The following KCND3 variants were observed in gnomAD, a reference collection of about 807,000 sequenced individuals.
KCND3 encodes A-type voltage-gated potassium channel KCND3.
Under a neutral mutation model 51.1 loss-of-function variants are expected in KCND3, and 9 were observed. That is an observed-to-expected ratio of 0.18 (90% confidence interval 0.11 to 0.31). KCND3 has a LOEUF of 0.31. KCND3 is among the 10% of genes least tolerant of loss of function. The pLI is 1.00. For missense variants in KCND3, 526 were observed against 903.8 expected (o/e 0.58, Z 5.36); for synonymous variants, 349 against 368.0 (o/e 0.95, Z 0.59).
intron 2 of KCND3, among the ~76,000 whole-genome samples, chr1:111,881,377 C>G (rs922452065): frequency 6.6e-6 from 1 of 152,164 alleles, no homozygotes; most frequent in Non-Finnish European, 1.5e-5. Context: ...AGCTTGGCAG[C>G]CAAGTGTGCA....
chr1:111,885,490 TA>T (rs943271912), intron 2 of KCND3, among the ~76,000 whole-genome samples: 2 of 152,166 alleles, frequency 1.3e-5, no homozygotes, highest in African/African-American at 4.8e-5. Flanking sequence ...CCCATTTGTG[TA>T]AAAAGTGAGT....
At chr1:111,856,642 C>T (rs1163613729) in intron 2 of KCND3, among the ~76,000 whole-genome samples, 1 of 152,250 alleles carries the variant, frequency 6.6e-6, no homozygotes, top group Non-Finnish European at 1.5e-5. Context: ...CTGCCAGCCC[C>T]ACCTGCCAAA....
intron 2 of KCND3, among the ~76,000 whole-genome samples, chr1:111,963,703 T>A (rs1482446358): frequency 6.6e-6 from 1 of 152,198 alleles, no homozygotes; most frequent in Non-Finnish European, 1.5e-5. Flanking sequence ...GAACTGAGCC[T>A]ACCGTCATGA....
chr1:111,867,779 G>A (rs1394226263), intron 2 of KCND3, among the ~76,000 whole-genome samples: 1 of 152,194 alleles, frequency 6.6e-6, no homozygotes, highest in Non-Finnish European at 1.5e-5. Context: ...TTGATTATTT[G>A]GAAGGAACTT....
intron 2 of KCND3, among the ~76,000 whole-genome samples, chr1:111,875,216 C>CT (rs1194011770): frequency 3.9e-5 from 6 of 152,188 alleles, no homozygotes; most frequent in East Asian, 1.9e-4. Context: ...GGATCTAAGA[C>CT]TTTTTTTGAT....
At chr1:111,955,721 C>A (rs1010736214) in intron 2 of KCND3, among the ~76,000 whole-genome samples, 3 of 152,182 alleles carry the variant, frequency 2.0e-5, no homozygotes, top group Non-Finnish European at 2.9e-5. Context: ...ATGAATGACT[C>A]AATGAAAGAA....
At chr1:111,816,095 A>T (rs1666077425) in intron 2 of KCND3, among the ~76,000 whole-genome samples, 1 of 152,246 alleles carries the variant, frequency 6.6e-6, no homozygotes, top group African/African-American at 2.4e-5. Context: ...TGCTATTGAT[A>T]CTTCCATGTT....
At chr1:111,868,166 A>G (rs574306360) in intron 2 of KCND3, among the ~76,000 whole-genome samples, 17 of 152,176 alleles carry the variant, frequency 1.1e-4, no homozygotes, top group Non-Finnish European at 2.2e-4. Flanking sequence ...CCAGAAATAG[A>G]CAATTCATAA....
At chr1:111,988,534 A>G (rs531902047) in intron 1 of KCND3, among the ~76,000 whole-genome samples, 1 of 152,288 alleles carries the variant, frequency 6.6e-6, no homozygotes, top group East Asian at 1.9e-4. Context: ...GGGGAAATGT[A>G]CACATGCTTT....
At chr1:111,978,859 T>C (rs1378913866) in intron 2 of KCND3, among the ~76,000 whole-genome samples, 1 of 152,204 alleles carries the variant, frequency 6.6e-6, no homozygotes, top group Non-Finnish European at 1.5e-5. Context: ...AAAAAGCATT[T>C]TGCCAAGTGC....
At chr1:111,847,472 C>A (rs536949713) in intron 2 of KCND3, among the ~76,000 whole-genome samples, 1 of 152,092 alleles carries the variant, frequency 6.6e-6, no homozygotes, top group Non-Finnish European at 1.5e-5. Context: ...GGAATAAACA[C>A]GTCAGGCAGG....
intron 1 of KCND3, among the ~76,000 whole-genome samples, chr1:111,987,847 TA>T (rs1301027720): frequency 2.6e-5 from 4 of 151,732 alleles, no homozygotes; most frequent in South Asian, 4.2e-4. Context: ...GTGGGAAAGA[TA>T]GGGGGTGGGG....
rs1470160362 is a variant in KCND3, at chr1:111,971,356, G to A, written c.1106+10265C>T. On this transcript the variant is annotated intron_variant, in intron 2 of 7. Transcript: ENST00000302127. ...CAAACAAAAACCCTTGTTTTACTCAGAAACCCAGTGTGACCTTTTGGCTTC... is the reference window on the plus strand; with the variant it reads ...CAAACAAAAACCCTTGTTTTACTCAAAAACCCAGTGTGACCTTTTGGCTTC... Among the ~76,000 whole-genome samples the A allele has an allele frequency of 2.0e-5, 3 of 149,040 alleles. No homozygotes were observed. The East Asian group carries it at 5.9e-4, about 29-fold the overall frequency.
rs2813867 is a variant in KCND3 at position 111,778,700 on chromosome 1, T to C, written c.1462-208A>G. On this transcript the variant is annotated intron_variant, in intron 5 of 7. Coordinates refer to ENST00000302127, the MANE Select transcript of KCND3 (RefSeq NM_001378969.1). ...GGACCCTGCTCAACCCCAACATTCA[T>C]TCCTTCTATCCCAACATTCTGCCTC... is the stretch of plus-strand genomic sequence containing the variant. Among the ~76,000 whole-genome samples, 148,828 of 152,024 alleles carry C rather than the reference T, an allele frequency of 0.98. 72,860 individuals carry two copies. Among genetic ancestry groups the C allele is most frequent in the East Asian group, 1 (5,152 of 5,152 alleles).
At position 111,982,301 on chromosome 1, in the gene KCND3, C is replaced by T. The variant is rs774368547; in HGVS notation, c.426G>A (p.Glu142=). Residue 142 remains glutamate, a synonymous_variant, in exon 2 of 8, where the codon GAG becomes GAA. Coordinates refer to ENST00000302127, the MANE Select transcript of KCND3 (RefSeq NM_001378969.1). This position sits in a 1 kb window ranked among gnomAD's most constrained non-coding sequence, Gnocchi z 8.5. The part of the protein sequence containing the change: ...CYEEYKDRKR[E]NAERLMDDND... ...TGTCGTCCATGAGCCGCTCGGCGTT[C>T]TCCCTCTTGCGGTCCTTGTACTCCT... The T allele has an allele frequency of 1.9e-6, 3 of 1,614,146 alleles. No individual in the cohort carries two copies. Among genetic ancestry groups the T allele is most frequent in the Non-Finnish European group, 2.5e-6 (3 of 1,180,042 alleles).
intron 2 of KCND3, among the ~76,000 whole-genome samples, chr1:111,917,100 T>G (rs764111637): frequency 6.6e-6 from 1 of 152,222 alleles, no homozygotes; most frequent in Non-Finnish European, 1.5e-5. Flanking sequence ...GTGATACCTA[T>G]TTATGACTGG....
intron 2 of KCND3, among the ~76,000 whole-genome samples, chr1:111,862,443 A>T (rs1557984682): frequency 6.6e-6 from 1 of 152,270 alleles, no homozygotes; most frequent in East Asian, 1.9e-4. Flanking sequence ...TGCAATGAAA[A>T]ACTGTAAACT....
intron 2 of KCND3, among the ~76,000 whole-genome samples, chr1:111,894,131 T>C (rs144132855): frequency 8.7e-4 from 133 of 152,334 alleles, no homozygotes; most frequent in Non-Finnish European, 1.6e-3. Flanking sequence ...CCCCAGCCTA[T>C]GAACGAGGGC....
At chr1:111,895,214 C>G (rs1366624121) in intron 2 of KCND3, among the ~76,000 whole-genome samples, 1 of 146,196 alleles carries the variant, frequency 6.8e-6, no homozygotes, top group Non-Finnish European at 1.5e-5. Flanking sequence ...AGGGTGAGGA[C>G]GGAGAGGGAG....
Sources: allele counts gnomAD v4.1 joint callset (sites outside exome capture counted in the v4.1 genomes callset), GRCh38; gene constraint gnomAD v4.1.1; non-coding constraint Gnocchi (gnomAD v3.1); transcripts MANE v1.5; gene names NCBI Gene and HGNC (gene_info 2026-07-23, HGNC 2026-07-21).